CSTF3: variants seen among roughly 807,000 people sequenced by gnomAD.
CSTF3 encodes the protein cleavage stimulation factor subunit 3, also known as CF-1 77 kDa subunit.
In CSTF3, 29 loss-of-function variants were observed where a neutral mutation model predicts 105.8. The observed-to-expected ratio is 0.27, with a 90% confidence interval of 0.20 to 0.37. CSTF3 has a LOEUF of 0.37. CSTF3 is among the 10% of genes least tolerant of loss of function. CSTF3 has a pLI of 1.00. For missense variants in CSTF3, 357 were observed against 879.3 expected, an observed-to-expected ratio of 0.41 and a Z score of 7.51; for synonymous variants, 252 against 281.9, an observed-to-expected ratio of 0.89 and a Z score of 1.06.
intron 1 of CSTF3, among the ~76,000 whole-genome samples, chr11:33,145,868 A>G (rs1165728007): frequency 6.6e-6 from 1 of 152,074 alleles, no homozygotes; most frequent in African/African-American, 2.4e-5. Context: ...AAGATCCAAC[A>G]TTTTATAATT....
At chr11:33,089,737 G>A (rs958632733) in intron 17 of CSTF3, among the ~76,000 whole-genome samples, 10 of 152,280 alleles carry the variant, frequency 6.6e-5, no homozygotes, top group South Asian at 2.1e-4. Flanking sequence ...GGCTAAAAGA[G>A]GGCAGTGAGG....
rs753348174 is a variant in CSTF3 at position 33,130,345 on chromosome 11, C to T, written c.225+11322G>A. On this transcript the variant is annotated intron_variant, in intron 3 of 20. Coordinates refer to ENST00000323959, the MANE Select transcript of CSTF3 (RefSeq NM_001326.3). ...AAAATTAGCCAGGTGTGGTGATGGG[C>T]GCCTGTAATCCCAGCTACTCGGGAG... Among the ~76,000 whole-genome samples the T allele has an allele frequency of 4.3e-4, 66 of 152,030 alleles. 1 individual carries two copies. The highest frequency in any genetic ancestry group is 7.9e-4 in the Non-Finnish European group (54 of 67,964).
At position 33,103,183 on chromosome 11, in the gene CSTF3, C is replaced by A; in HGVS notation, c.587G>T (p.Gly196Val). ...TTTTTTAGCTAAATGAATATTGATA[C>A]CCTAGAAAAAAACAAAAATATTTTA... ...LWRDYNKYEE[G>V]INIHLAKKMI... The change falls in exon 9 of 21, where the codon GGT (glycine) becomes GTT (valine). Residue 196 changes from glycine to valine, a missense_variant and splice_region_variant. Physicochemically the swap from Gly to Val is moderately radical, Grantham distance 109. Coordinates refer to ENST00000323959, the MANE Select transcript of CSTF3 (RefSeq NM_001326.3). 6.6e-7 allele frequency: 1 copy of A among 1,508,578 alleles called. No individual in the cohort carries two copies. Among genetic ancestry groups the A allele is most frequent in the Non-Finnish European group, 9.0e-7 (1 of 1,116,628 alleles). The allele number at this position is 1,508,578 out of a possible 1,614,324, so 93.4% of individuals were successfully genotyped here. A position where few individuals can be genotyped will look rare whatever the true frequency, so the allele number is the denominator to read the frequency against.
intron 3 of CSTF3, among the ~76,000 whole-genome samples, chr11:33,117,185 C>G (rs1436690364): frequency 5.3e-5 from 8 of 151,808 alleles, no homozygotes; most frequent in Admixed American, 5.3e-4. Context: ...AATATTCAGA[C>G]AAGCAAAGAC....
intron 8 of CSTF3, 121 bp from the exon 9 acceptor site, chr11:33,103,305 A>C: frequency 2.0e-6 from 1 of 502,760 alleles, no homozygotes; most frequent in South Asian, 3.4e-5. Flanking sequence ...TTCTTGTTTA[A>C]TAAAGGTTCA....
intron 13 of CSTF3, among the ~76,000 whole-genome samples, chr11:33,097,432 C>T (rs546009359): frequency 2.0e-5 from 3 of 152,046 alleles, no homozygotes; most frequent in South Asian, 4.1e-4. Context: ...TGCAGTGGTG[C>T]GATCTTGGCT....
chr11:33,130,310 TAA>T (rs1855585612), intron 3 of CSTF3, among the ~76,000 whole-genome samples: 1 of 151,928 alleles, frequency 6.6e-6, no homozygotes, highest in African/African-American at 2.4e-5. Flanking sequence ...CTGTCTCTAC[TAA>T]AGATACAAAA....
chr11:33,152,544 G>T (rs535979817), intron 1 of CSTF3, among the ~76,000 whole-genome samples: 1 of 152,112 alleles, frequency 6.6e-6, no homozygotes, highest in Non-Finnish European at 1.5e-5. Context: ...ATGTTTAACC[G>T]TCTGTTATGT....
chr11:33,107,810 TC>T, intron 5 of CSTF3, 92 bp downstream of exon 5: 1 of 675,136 alleles, frequency 1.5e-6, no homozygotes, highest in Non-Finnish European at 2.5e-6. Context: ...TGATAATTCT[TC>T]CCACTTGGGG....
chr11:33,098,860 A>C (rs915861969), intron 12 of CSTF3, 96 bp from the exon 13 acceptor site: 5 of 1,248,218 alleles, frequency 4.0e-6, no homozygotes, highest in Admixed American at 5.3e-5. Flanking sequence ...TCCCACCCCC[A>C]ATGGCATCTC....
chr11:33,159,595 CAA>C (rs71034656), intron 1 of CSTF3, among the ~76,000 whole-genome samples: 584 of 37,876 alleles, frequency 0.015, no homozygotes, highest in Non-Finnish European at 0.022. Context: ...GGCTCCATCT[CAA>C]AAAAAAAAAA....
intron 19 of CSTF3, 57 bp downstream of exon 19, chr11:33,085,838 T>C (rs1355846117): frequency 9.4e-6 from 15 of 1,588,906 alleles, no homozygotes; most frequent in Non-Finnish European, 1.3e-5. Flanking sequence ...AGTAACTTTA[T>C]ACACAATTAC....
At chr11:33,152,676 T>C (rs554301334) in intron 1 of CSTF3, among the ~76,000 whole-genome samples, 212 of 152,214 alleles carry the variant, frequency 1.4e-3, no homozygotes, top group Non-Finnish European at 2.5e-3. Flanking sequence ...ACTGAGGAGC[T>C]TGGGCCGGGC....
At chr11:33,139,938 G>A (rs537194351) in intron 3 of CSTF3, among the ~76,000 whole-genome samples, 1 of 151,962 alleles carries the variant, frequency 6.6e-6, no homozygotes, top group African/African-American at 2.4e-5. Context: ...CTAGGAAATT[G>A]GAGAAACAAA....
chr11:33,119,968 TTTAC>T (rs1176167793), intron 3 of CSTF3, among the ~76,000 whole-genome samples: 2 of 151,908 alleles, frequency 1.3e-5, no homozygotes, highest in Non-Finnish European at 3.0e-5. Flanking sequence ...ATTGGTCATA[TTTAC>T]TTAAATTCTG....
intron 1 of CSTF3, among the ~76,000 whole-genome samples, chr11:33,148,532 ACT>A (rs1855812427): frequency 6.6e-6 from 1 of 152,150 alleles, no homozygotes; most frequent in Non-Finnish European, 1.5e-5. Context: ...CCCCGTCTCT[ACT>A]AAAAATACAA....
At position 33,099,503 on chromosome 11, in the gene CSTF3, C is replaced by T; in HGVS notation, c.936+105G>A. 1.3e-6 allele frequency: 1 copy of T among 789,412 alleles called. No individual in the cohort carries two copies. Among genetic ancestry groups the T allele is most frequent in the Non-Finnish European group, 2.0e-6 (1 of 491,904 alleles). 48.9% of individuals were successfully genotyped at this position (789,412 alleles called of 1,614,324 possible). ...TCATATGAACGTAAACTTAAATTTT[C>T]AATACTTATGCTTTATTACCAAAAT... On this transcript the variant is annotated intron_variant, in intron 11 of 20. Coordinates refer to ENST00000323959, the MANE Select transcript of CSTF3 (RefSeq NM_001326.3). This position sits in a 1 kb window ranked among gnomAD's most constrained non-coding sequence, Gnocchi z 4.1.
intron 4 of CSTF3, 134 bp from the exon 5 acceptor site, chr11:33,108,134 TC>T: frequency 1.6e-6 from 1 of 607,788 alleles, no homozygotes; most frequent in South Asian, 3.6e-5. Context: ...GCAAATAATT[TC>T]CCCATTTTCA....
chr11:33,133,337 A>T (rs1855620064), intron 3 of CSTF3, among the ~76,000 whole-genome samples: 1 of 152,244 alleles, frequency 6.6e-6, no homozygotes, highest in Admixed American at 6.5e-5. Context: ...TTAGTCTCAA[A>T]TTATCTCCCC....
Sources: gnomAD v4.1 joint callset for allele counts (sites outside exome capture counted in the v4.1 genomes callset) on GRCh38, gnomAD v4.1.1 for gene constraint, Gnocchi (gnomAD v3.1) non-coding constraint, MANE v1.5 for transcripts, NCBI Gene and HGNC (gene_info 2026-07-23, HGNC 2026-07-21) for gene names.